The following NAPEPLD variants were observed in gnomAD, a reference collection of about 807,000 sequenced individuals.
NAPEPLD encodes the protein N-acyl phosphatidylethanolamine phospholipase D.
Under a neutral mutation model 38.1 loss-of-function variants are expected in NAPEPLD, and 23 were observed. The observed-to-expected ratio is 0.60, with a 90% CI of 0.43 to 0.86. NAPEPLD has a LOEUF of 0.86. Among genes scored for constraint, NAPEPLD ranks in the 40% least tolerant of loss-of-function variants. The probability of loss-of-function intolerance (pLI) is 0.00; values close to 1 mark genes in which losing one functional copy is unlikely to be tolerated. For missense variants in NAPEPLD, 411 were observed against 476.8 expected, an observed-to-expected ratio of 0.86 and a Z score of 1.28; for synonymous variants, 147 against 162.0, an observed-to-expected ratio of 0.91 and a Z score of 0.71.
intron 1 of NAPEPLD, among the ~76,000 whole-genome samples, chr7:103,147,703 G>A (rs1257963061): frequency 6.6e-6 from 1 of 152,120 alleles, no homozygotes; most frequent in East Asian, 1.9e-4. Context: ...GTTATAACTG[G>A]ACTAATTTTA....
In NAPEPLD at chr7:103,144,010, T is replaced by C. The variant is rs573517451; in HGVS notation, c.-17+4801A>G. Among the ~76,000 whole-genome samples the C allele has an allele frequency of 2.0e-4, 31 of 152,342 alleles. No homozygotes were observed. The South Asian group carries it at 4.8e-3, about 23-fold the overall frequency. On this transcript the variant is annotated intron_variant, in intron 1 of 4. Coordinates refer to ENST00000465647, the MANE Select transcript of NAPEPLD (RefSeq NM_001122838.3). Reference sequence around the variant, plus strand: ...TTTATCATTTACTAAGCATTTACTATGTACCAAGCACTTTAGATAATTATT... The same window carrying C: ...TTTATCATTTACTAAGCATTTACTACGTACCAAGCACTTTAGATAATTATT...
chr7:103,124,506 T>C (rs1013250593), intron 2 of NAPEPLD, among the ~76,000 whole-genome samples: 9 of 150,114 alleles, frequency 6.0e-5, no homozygotes, highest in Non-Finnish European at 1.3e-4. Context: ...GAAAAAGGGG[T>C]GGGGAGAGGA....
At chr7:103,134,231 T>G (rs1277496011) in intron 1 of NAPEPLD, among the ~76,000 whole-genome samples, 1 of 152,222 alleles carries the variant, frequency 6.6e-6, no homozygotes, top group East Asian at 1.9e-4. Context: ...GCTCATCCTC[T>G]TTCCCTCTGT....
At chr7:103,145,211 G>C (rs2129537459) in intron 1 of NAPEPLD, among the ~76,000 whole-genome samples, 1 of 152,186 alleles carries the variant, frequency 6.6e-6, no homozygotes, top group African/African-American at 2.4e-5. Flanking sequence ...CTAAGCAAAA[G>C]AAAAAAATTA....
At chr7:103,122,289 G>A (rs1425145331) in intron 2 of NAPEPLD, among the ~76,000 whole-genome samples, 1 of 151,938 alleles carries the variant, frequency 6.6e-6, no homozygotes, top group African/African-American at 2.4e-5. Context: ...GCATGCATGT[G>A]CACACACACA....
intron 3 of NAPEPLD, among the ~76,000 whole-genome samples, chr7:103,118,596 G>C (rs1226045641): frequency 2.6e-5 from 4 of 152,108 alleles, no homozygotes; most frequent in East Asian, 3.8e-4. Flanking sequence ...TCCACTTATG[G>C]AATTACCTAA....
chr7:103,109,925 A>T (rs1804178343), intron 4 of NAPEPLD, among the ~76,000 whole-genome samples: 2 of 152,248 alleles, frequency 1.3e-5, no homozygotes. Flanking sequence ...CTACCATCAA[A>T]GAATACTATC....
At chr7:103,141,132 G>C (rs1585898605) in intron 1 of NAPEPLD, among the ~76,000 whole-genome samples, 1 of 151,398 alleles carries the variant, frequency 6.6e-6, no homozygotes, top group Middle Eastern at 3.4e-3. Context: ...CTGATTTCCA[G>C]TGTGTGACAG....
intron 3 of NAPEPLD, among the ~76,000 whole-genome samples, chr7:103,115,642 T>C (rs1057051737): frequency 6.6e-6 from 1 of 152,190 alleles, no homozygotes; most frequent in African/African-American, 2.4e-5. Flanking sequence ...GGAGGGTTTT[T>C]GGCCTCACAA....
chr7:103,118,489 T>A (rs1805990260), intron 3 of NAPEPLD, among the ~76,000 whole-genome samples: 1 of 152,136 alleles, frequency 6.6e-6, no homozygotes, highest in Non-Finnish European at 1.5e-5. Flanking sequence ...ACAAAATCGT[T>A]TTAGTGAATG....
chr7:103,105,447 A>C (rs1001258535), intron 4 of NAPEPLD, among the ~76,000 whole-genome samples: 1 of 152,230 alleles, frequency 6.6e-6, no homozygotes, highest in African/African-American at 2.4e-5. Context: ...GTAATGCTTG[A>C]AACTCGTTTC....
rs1806314297 is a variant in NAPEPLD, at chr7:103,120,013, G to C, written c.505C>G (p.Pro169Ala). Residue 169 changes from proline to alanine, a missense_variant, in exon 3 of 5, where the codon CCG becomes GCG. Pro to Ala is a conservative substitution (Grantham distance 27). Transcript: ENST00000465647. The part of the protein sequence containing the change: ...YMGPKRFRRS[P>A]CTISELPPID... ...GGAGGGAGTTCACTTATTGTGCACG[G>C]GGAACGACGAAATCGCTTTGGACCC... The C allele has an allele frequency of 1.9e-6, 3 of 1,614,192 alleles. No individual in the cohort carries two copies. Among genetic ancestry groups the C allele is most frequent in the South Asian group, 1.1e-5 (1 of 91,086 alleles).
intron 4 of NAPEPLD, among the ~76,000 whole-genome samples, chr7:103,109,281 A>C (rs532409734): frequency 2.6e-5 from 4 of 152,224 alleles, no homozygotes; most frequent in Admixed American, 6.5e-5. Context: ...AATCAACAGA[A>C]TATACATTCT....
At chr7:103,120,760 C>A (rs1241533602) in intron 2 of NAPEPLD, among the ~76,000 whole-genome samples, 1 of 125,154 alleles carries the variant, frequency 8.0e-6, no homozygotes, top group Non-Finnish European at 1.6e-5. Flanking sequence ...GTTACCCAGG[C>A]TGGGGTGCAG....
intron 1 of NAPEPLD, chr7:103,141,938 A>C: frequency 1.1e-6 from 1 of 929,922 alleles, no homozygotes; most frequent in Non-Finnish European, 1.8e-6. Flanking sequence ...GAGCATACTC[A>C]AGGCTGCAGC....
At chr7:103,116,811 TGTTCA>T (rs1805666878) in intron 3 of NAPEPLD, among the ~76,000 whole-genome samples, 1 of 152,348 alleles carries the variant, frequency 6.6e-6, no homozygotes, top group South Asian at 2.1e-4. Flanking sequence ...TTGGAAAGTC[TGTTCA>T]AATTCTCTGA....
At chr7:103,139,678 AAGGGG>A (rs1810813483) in intron 1 of NAPEPLD, among the ~76,000 whole-genome samples, 1 of 152,218 alleles carries the variant, frequency 6.6e-6, no homozygotes, top group Non-Finnish European at 1.5e-5. Context: ...GAATTTGGCA[AAGGGG>A]CAGACATGTT....
chr7:103,135,541 C>T (rs191371709), intron 1 of NAPEPLD, among the ~76,000 whole-genome samples: 161 of 152,228 alleles, frequency 1.1e-3, no homozygotes, highest in Non-Finnish European at 1.9e-3. Context: ...AAAAGTATTG[C>T]ACTGTTATCA....
chr7:103,132,822 A>G (rs1809226796), intron 1 of NAPEPLD, among the ~76,000 whole-genome samples: 1 of 151,922 alleles, frequency 6.6e-6, no homozygotes, highest in African/African-American at 2.4e-5. Flanking sequence ...AAAGAAGAGA[A>G]AAGAAAAAAT....
Sources: gnomAD v4.1 joint callset for allele counts (sites outside exome capture counted in the v4.1 genomes callset) on GRCh38, gnomAD v4.1.1 for gene constraint, MANE v1.5 for transcripts, NCBI Gene and HGNC (gene_info 2026-07-23, HGNC 2026-07-21) for gene names.